The following IMMP2L variants were observed in gnomAD, a reference collection of about 807,000 sequenced individuals.
IMMP2L encodes the protein inner mitochondrial membrane peptidase subunit 2, also known as mitochondrial inner membrane protease subunit 2.
IMMP2L carries 18 observed loss-of-function variants against 19.3 expected under a neutral mutation model. That is an observed-to-expected ratio of 0.93 (90% CI 0.64 to 1.38). The LOEUF (loss-of-function observed/expected upper bound fraction) is 1.38, where lower values mean the gene tolerates loss of function less well. IMMP2L is among the 40% of genes most tolerant of loss of function. The pLI is 0.00. For synonymous variants in IMMP2L, 76 were observed against 73.0 expected (o/e 1.04, Z -0.21); for missense variants, 233 against 218.2 (o/e 1.07, Z -0.43).
At chr7:110,949,370 C>G (rs934330338) in intron 4 of IMMP2L, among the ~76,000 whole-genome samples, 1 of 152,136 alleles carries the variant, frequency 6.6e-6, no homozygotes, top group Admixed American at 6.6e-5. Flanking sequence ...TTGCTCTCTG[C>G]CTCAACCAAT....
intron 3 of IMMP2L, among the ~76,000 whole-genome samples, chr7:111,317,633 T>C (rs1398425190): frequency 6.6e-6 from 1 of 152,086 alleles, no homozygotes; most frequent in East Asian, 1.9e-4. Flanking sequence ...AAATCAACAA[T>C]TTGTCTTCAT....
intron 5 of IMMP2L, among the ~76,000 whole-genome samples, chr7:110,737,654 A>T (rs112740151): frequency 0.026 from 3,934 of 152,144 alleles, 176 homozygotes; most frequent in African/African-American, 0.091. Flanking sequence ...CACTTGAGAA[A>T]CCTGAATACT....
chr7:110,883,289 C>T (rs1157096511), intron 5 of IMMP2L, among the ~76,000 whole-genome samples: 1 of 152,100 alleles, frequency 6.6e-6, no homozygotes, highest in Non-Finnish European at 1.5e-5. Flanking sequence ...TGTTTATCAT[C>T]ACTTTCAGAC....
intron 5 of IMMP2L, among the ~76,000 whole-genome samples, chr7:110,821,879 C>T (rs191947903): frequency 2.4e-4 from 37 of 152,134 alleles, no homozygotes; most frequent in Admixed American, 1.9e-3. Flanking sequence ...ACCAAGATCA[C>T]GTCACTGCAC....
intron 3 of IMMP2L, among the ~76,000 whole-genome samples, chr7:111,038,674 G>A (rs1284345861): frequency 1.3e-5 from 2 of 152,096 alleles, no homozygotes; most frequent in Non-Finnish European, 2.9e-5. Context: ...GAATAGAAAA[G>A]GGAGTACATT....
At chr7:110,950,644 T>G (rs1373927769) in intron 4 of IMMP2L, among the ~76,000 whole-genome samples, 2 of 151,512 alleles carry the variant, frequency 1.3e-5, no homozygotes, top group Admixed American at 1.3e-4. Context: ...TTTGCAACAT[T>G]CTTCACAATA....
At position 111,499,260 on chromosome 7, in the gene IMMP2L, G is replaced by A. The variant is rs114022013; in HGVS notation, c.136-11919C>T. ...GTCAAGAATCAGCATAGGTGAGGAT[G>A]ACATAGAGCTCAGTACCGAGGAGCA... is the stretch of plus-strand genomic sequence containing the variant. On this transcript the variant is annotated intron_variant, in intron 2 of 5. Coordinates refer to ENST00000405709, the MANE Select transcript of IMMP2L (RefSeq NM_032549.4). Among the ~76,000 whole-genome samples the A allele has an allele frequency of 2.0e-3, 307 of 152,296 alleles. 1 individual carries two copies. Among genetic ancestry groups the A allele is most frequent in the African/African-American group, 7.0e-3 (292 of 41,560 alleles).
chr7:111,170,150 G>T (rs1441309859), intron 3 of IMMP2L, among the ~76,000 whole-genome samples: 2 of 151,654 alleles, frequency 1.3e-5, no homozygotes, highest in East Asian at 3.9e-4. Context: ...ATTGCCATTT[G>T]GAAGAAAAAA....
At chr7:110,873,051 A>T (rs559100403) in intron 5 of IMMP2L, among the ~76,000 whole-genome samples, 7 of 152,274 alleles carry the variant, frequency 4.6e-5, no homozygotes, top group Non-Finnish European at 1.5e-5. Context: ...CACAAAAATA[A>T]TTTCTCTCTC....
chr7:111,088,626 T>C (rs1796557897), intron 3 of IMMP2L, among the ~76,000 whole-genome samples: 1 of 152,202 alleles, frequency 6.6e-6, no homozygotes, highest in African/African-American at 2.4e-5. Flanking sequence ...GTGCCAACTG[T>C]GTGCTAAGAT....
At position 110,760,564 on chromosome 7, in the gene IMMP2L, C is replaced by A. The variant is rs1466959569; in HGVS notation, c.409-96843G>T. ...TTGTTGTCCCCAACTCCCAGGAGGG[C>A]AACTGCTGGGAAGGAATGAAGTTCC... On this transcript the variant is annotated intron_variant, in intron 5 of 5. Transcript: ENST00000405709. The surrounding 1 kb of genome is among the most constrained non-coding windows in gnomAD (Gnocchi z 4.2). Among the ~76,000 whole-genome samples the A allele has an allele frequency of 6.6e-6, 1 of 152,098 alleles. No individual in the cohort carries two copies. The highest frequency in any genetic ancestry group is 1.5e-5 in the Non-Finnish European group (1 of 68,010).
chr7:110,891,644 T>A (rs1470299058), intron 4 of IMMP2L, among the ~76,000 whole-genome samples: 1 of 152,100 alleles, frequency 6.6e-6, no homozygotes, highest in Non-Finnish European at 1.5e-5. Flanking sequence ...TTTTAAAAAG[T>A]ATAAAGGGAA....
chr7:110,939,130 G>A (rs1431305831), intron 4 of IMMP2L, among the ~76,000 whole-genome samples: 1 of 151,936 alleles, frequency 6.6e-6, no homozygotes, highest in Non-Finnish European at 1.5e-5. Context: ...GGTTATATAT[G>A]AGAGTTACCT....
intron 3 of IMMP2L, among the ~76,000 whole-genome samples, chr7:111,257,521 G>A (rs946192284): frequency 1.3e-5 from 2 of 152,142 alleles, no homozygotes; most frequent in Admixed American, 6.6e-5. Context: ...TTAGACTGAA[G>A]TATTAATTTT....
intron 1 of IMMP2L, among the ~76,000 whole-genome samples, chr7:111,528,857 G>T (rs1847132340): frequency 6.6e-6 from 1 of 152,072 alleles, no homozygotes; most frequent in African/African-American, 2.4e-5. Context: ...ACAAAATCAA[G>T]ATTTTATTTA....
intron 5 of IMMP2L, among the ~76,000 whole-genome samples, chr7:110,729,649 T>C (rs1796117746): frequency 6.6e-6 from 1 of 152,224 alleles, no homozygotes. Context: ...GGGACTTCAC[T>C]AAAGGTCACT....
chr7:111,108,891 T>G (rs1025783749), intron 3 of IMMP2L, among the ~76,000 whole-genome samples: 1 of 152,138 alleles, frequency 6.6e-6, no homozygotes, highest in Non-Finnish European at 1.5e-5. Context: ...ATTCATTCAG[T>G]AGATATTTAT....
intron 5 of IMMP2L, among the ~76,000 whole-genome samples, chr7:110,719,572 T>C (rs1432914714): frequency 6.6e-6 from 1 of 152,230 alleles, no homozygotes; most frequent in Non-Finnish European, 1.5e-5. Context: ...TTTAGCACTG[T>C]ACAAATTGGA....
intron 3 of IMMP2L, among the ~76,000 whole-genome samples, chr7:111,386,961 G>T (rs1358829098): frequency 6.6e-6 from 1 of 152,196 alleles, no homozygotes; most frequent in South Asian, 2.1e-4. Flanking sequence ...AATACCATAA[G>T]TTTCTATCTC....
Sources: allele counts gnomAD v4.1 joint callset (sites outside exome capture counted in the v4.1 genomes callset), GRCh38; gene constraint gnomAD v4.1.1; non-coding constraint Gnocchi (gnomAD v3.1); transcripts MANE v1.5; gene names NCBI Gene and HGNC (gene_info 2026-07-23, HGNC 2026-07-21).